KTN1: variants seen among roughly 807,000 people sequenced by gnomAD.
KTN1 encodes kinectin 1.
A neutral mutation model predicts 222.5 loss-of-function variants in KTN1; 130 were observed. The ratio of observed to expected loss-of-function variants is 0.58; its 90% CI spans 0.51 to 0.68. The LOEUF (loss-of-function observed/expected upper bound fraction) is 0.68, where lower values mean the gene tolerates loss of function less well. KTN1 is among the 30% of genes least tolerant of loss of function. The probability of loss-of-function intolerance (pLI) is 0.00; values close to 1 mark genes in which losing one functional copy is unlikely to be tolerated. For missense variants in KTN1, 1,508 were observed against 1,500.4 expected, an observed-to-expected ratio of 1.01 and a Z score of -0.08; for synonymous variants, 512 against 496.3, an observed-to-expected ratio of 1.03 and a Z score of -0.42.
chr14:55,652,780 G>A (rs370014468), intron 25 of KTN1, 70 bp from the exon 26 acceptor site: 6 of 983,132 alleles, frequency 6.1e-6, no homozygotes, highest in Admixed American at 2.3e-5. Flanking sequence ...ACTTTTTTCA[G>A]TGTCTAAGAT....
At chr14:55,651,955 T>C in intron 25 of KTN1, 28 bp downstream of exon 25, 1 of 1,418,216 alleles carries the variant, frequency 7.1e-7, no homozygotes, top group Non-Finnish European at 9.8e-7. Flanking sequence ...CATTTCCTTT[T>C]ACTATTTCTT....
At chr14:55,615,981 T>A (rs1481355173) in intron 2 of KTN1, among the ~76,000 whole-genome samples, 2 of 152,072 alleles carry the variant, frequency 1.3e-5, no homozygotes, top group Admixed American at 1.3e-4. Flanking sequence ...GGTGTGATCT[T>A]GGCTCACTGC....
At chr14:55,616,415 A>G in intron 2 of KTN1, 102 bp from the exon 3 acceptor site, 1 of 1,101,444 alleles carries the variant, frequency 9.1e-7, no homozygotes. Flanking sequence ...CAGACTTTAA[A>G]TTTTTAGTGG....
chr14:55,636,392 A>T, intron 9 of KTN1, 57 bp from the exon 10 acceptor site: 1 of 1,361,620 alleles, frequency 7.3e-7, no homozygotes, highest in Non-Finnish European at 1.0e-6. Flanking sequence ...CCTCTTTTTC[A>T]AAGTAGAAAT....
chr14:55,655,644 C>G (rs2043393029), intron 28 of KTN1, among the ~76,000 whole-genome samples: 1 of 152,114 alleles, frequency 6.6e-6, no homozygotes, highest in African/African-American at 2.4e-5. Context: ...AAGGGAAAAA[C>G]AGATTAAATT....
chr14:55,612,564 T>C lies in KTN1; in HGVS notation c.516T>C (p.Asn172=), dbSNP rs1452816891. 3.2e-6 allele frequency: 5 copies of C among 1,578,772 alleles called. No homozygotes were observed. The highest frequency in any genetic ancestry group is 1.4e-5 in the African/African-American group (1 of 72,500). The change falls in exon 2 of 44, where the codon AAT becomes AAC. Residue 172 remains asparagine, a synonymous_variant. Transcript: ENST00000395314. ...AACCAGGGCAGAAGAAGTCTAAAAA[T>C]GGAAGCGGTATTGTAATCTATTTAA... ...KKKPGQKKSK[N]GSDDQDKKVE... is the part of the protein sequence containing the mutation.
At chr14:55,613,461 T>C (rs948993551) in intron 2 of KTN1, among the ~76,000 whole-genome samples, 1 of 151,894 alleles carries the variant, frequency 6.6e-6, no homozygotes, top group Non-Finnish European at 1.5e-5. Flanking sequence ...AAGTCATTTG[T>C]GTGTCTTAAC....
intron 35 of KTN1, 30 bp from the exon 36 acceptor site, chr14:55,671,536 T>C (rs762900350): frequency 2.6e-6 from 4 of 1,522,858 alleles, no homozygotes; most frequent in East Asian, 2.3e-5. Context: ...GGTAGAATTA[T>C]GGAGTTTTTC....
intron 24 of KTN1, chr14:55,651,422 C>G (rs146568784): frequency 2.4e-4 from 111 of 454,694 alleles, no homozygotes; most frequent in African/African-American, 2.1e-3. Context: ...AAAAGGACAT[C>G]ATAGAGTACT....
intron 1 of KTN1, among the ~76,000 whole-genome samples, chr14:55,587,567 C>T (rs1317646204): frequency 6.6e-6 from 1 of 152,116 alleles, no homozygotes; most frequent in Non-Finnish European, 1.5e-5. Flanking sequence ...TCTGTAATAT[C>T]CACACAGGTT....
intron 2 of KTN1, among the ~76,000 whole-genome samples, chr14:55,615,900 C>T (rs188706568): frequency 6.8e-6 from 1 of 147,730 alleles, no homozygotes; most frequent in Non-Finnish European, 1.5e-5. Context: ...CTTTCTCTCT[C>T]TCTTTTCTTT....
chr14:55,637,675 A>G (rs1034775585), intron 11 of KTN1, 104 bp from the exon 12 acceptor site: 2 of 836,610 alleles, frequency 2.4e-6, no homozygotes, highest in African/African-American at 3.4e-5. Flanking sequence ...CCTTAAAAAA[A>G]AAAAAGAAAA....
chr14:55,617,109 T>C (rs1044219601), intron 3 of KTN1, among the ~76,000 whole-genome samples: 3 of 152,218 alleles, frequency 2.0e-5, no homozygotes, highest in African/African-American at 2.4e-5. Flanking sequence ...AGCAATCTTA[T>C]TTGTTCACAG....
intron 17 of KTN1, 44 bp from the exon 18 acceptor site, chr14:55,641,648 C>A: frequency 1.7e-6 from 2 of 1,202,270 alleles, no homozygotes; most frequent in Non-Finnish European, 2.5e-6. Context: ...TGCTTTATTA[C>A]CTTTTTTCTT....
intron 25 of KTN1, 79 bp downstream of exon 25, chr14:55,652,006 C>CTTGATTTCAAGTGGTGTTT (rs2042971163): frequency 1.1e-6 from 1 of 904,352 alleles, no homozygotes; most frequent in African/African-American, 1.7e-5. Flanking sequence ...ATTATAGCTT[C>CTTGATTTCAAGTGGTGTTT]TTGATTTCAA....
chr14:55,676,295 AT>A (rs921275349), intron 41 of KTN1, among the ~76,000 whole-genome samples: 6 of 151,810 alleles, frequency 4.0e-5, no homozygotes, highest in South Asian at 2.1e-4. Flanking sequence ...ATAAATTTCT[AT>A]TTTTTTTAGA....
chr14:55,637,814 A>G lies in KTN1; in HGVS notation c.1752A>G (p.Gln584=), dbSNP rs1370148594. Residue 584 remains glutamine (Q), a synonymous_variant, in exon 12 of 44, where the codon CAA becomes CAG. Transcript: ENST00000395314. ...ILEQNEALKA[Q]IQQFHSQIAA... is the part of the protein sequence containing the mutation. ...AGCAGAATGAGGCTTTGAAAGCTCAAATTCAGCAGTTCCATTCCCAGATAG... is the reference window on the plus strand; with the variant it reads ...AGCAGAATGAGGCTTTGAAAGCTCAGATTCAGCAGTTCCATTCCCAGATAG... 1.9e-6 allele frequency: 3 copies of G among 1,611,448 alleles called. No homozygotes were observed. The highest frequency in any genetic ancestry group is 1.7e-4 in the Middle Eastern group (1 of 6,052).
intron 21 of KTN1, among the ~76,000 whole-genome samples, chr14:55,649,128 T>C (rs1293116948): frequency 1.3e-5 from 2 of 152,164 alleles, no homozygotes; most frequent in Non-Finnish European, 1.5e-5. Context: ...GGTCTCGACA[T>C]GTTGTCCAGA....
intron 18 of KTN1, among the ~76,000 whole-genome samples, chr14:55,646,494 C>CCTTTCCTTTCCTTTT (rs2042352347): frequency 1.9e-5 from 2 of 105,678 alleles, no homozygotes; most frequent in African/African-American, 3.6e-5. Flanking sequence ...CCTTTCCTTT[C>CCTTTCCTTTCCTTTT]CTTTCCTTTC....
Sources: gnomAD v4.1 joint callset for allele counts (sites outside exome capture counted in the v4.1 genomes callset) on GRCh38, gnomAD v4.1.1 for gene constraint, MANE v1.5 for transcripts, NCBI Gene and HGNC (gene_info 2026-07-23, HGNC 2026-07-21) for gene names.